Variants in CTNNA3 observed in about 807,000 individuals in gnomAD.
CTNNA3 encodes the protein catenin alpha 3.
In CTNNA3, 76 loss-of-function variants were observed where a neutral mutation model predicts 95.7. The observed-to-expected ratio is 0.79, with a 90% CI of 0.66 to 0.96. The LOEUF is 0.96. CTNNA3 is among the 40% of genes least tolerant of loss of function. CTNNA3 has a pLI of 0.00. For missense variants in CTNNA3, 1,191 were observed against 1,089.8 expected, an observed-to-expected ratio of 1.09 and a Z score of -1.31; for synonymous variants, 431 against 374.4, an observed-to-expected ratio of 1.15 and a Z score of -1.74.
At chr10:66,630,918 G>T (rs2132343839) in intron 9 of CTNNA3, among the ~76,000 whole-genome samples, 1 of 152,238 alleles carries the variant, frequency 6.6e-6, no homozygotes, top group East Asian at 1.9e-4. Flanking sequence ...TCAGGGAAAT[G>T]ATAGAAGTCA....
chr10:67,299,094 T>C (rs1411467739), intron 5 of CTNNA3, among the ~76,000 whole-genome samples: 2 of 152,140 alleles, frequency 1.3e-5, no homozygotes, highest in African/African-American at 4.8e-5. Flanking sequence ...AGATGGAGTT[T>C]CACCATGTTG....
At chr10:66,624,255 C>T (rs10822858) in intron 9 of CTNNA3, among the ~76,000 whole-genome samples, 50,562 of 151,832 alleles carry the variant, frequency 0.33, 8,840 homozygotes, top group Middle Eastern at 0.5. Context: ...GTTTTGTCAC[C>T]TATAAAATGA....
chr10:66,487,945 G>C (rs1238814641), intron 11 of CTNNA3, among the ~76,000 whole-genome samples: 5 of 152,138 alleles, frequency 3.3e-5, no homozygotes, highest in Admixed American at 3.3e-4. Context: ...AGCAAGGTAA[G>C]TGCCGTAAAC....
chr10:67,519,371 T>C (rs910930939), intron 5 of CTNNA3, among the ~76,000 whole-genome samples: 20 of 152,160 alleles, frequency 1.3e-4, no homozygotes, highest in African/African-American at 4.8e-4. Flanking sequence ...TTTCTGTTTG[T>C]TTTAAAAAAT....
At chr10:67,673,050 T>C (rs1840469033) in intron 1 of CTNNA3, among the ~76,000 whole-genome samples, 1 of 151,546 alleles carries the variant, frequency 6.6e-6, no homozygotes, top group South Asian at 2.1e-4. Flanking sequence ...CAGTGGTTTG[T>C]AGTTCTCCTT....
chr10:66,104,056 G>T (rs2081777847), intron 13 of CTNNA3, among the ~76,000 whole-genome samples: 1 of 152,096 alleles, frequency 6.6e-6, no homozygotes, highest in Non-Finnish European at 1.5e-5. Flanking sequence ...TCATCAAAAT[G>T]CCACCAGAAA....
chr10:67,056,928 C>T (rs1437505521), intron 7 of CTNNA3, among the ~76,000 whole-genome samples: 1 of 152,130 alleles, frequency 6.6e-6, no homozygotes, highest in East Asian at 1.9e-4. Flanking sequence ...TCTGCTCATG[C>T]TCCTGGGTGC....
chr10:66,236,895 G>A (rs1255197624), intron 13 of CTNNA3, among the ~76,000 whole-genome samples: 4 of 151,998 alleles, frequency 2.6e-5, no homozygotes, highest in Non-Finnish European at 4.4e-5. Flanking sequence ...AGAGAGGACG[G>A]TTTGAGCCCA....
intron 7 of CTNNA3, among the ~76,000 whole-genome samples, chr10:66,806,754 ATATGTGTGTGTG>A (rs769952023): frequency 1.6e-4 from 12 of 73,412 alleles, no homozygotes; most frequent in Admixed American, 7.3e-4. Context: ...AATGTGGCAT[ATATGTGTGTGTG>A]TGTGTGTGTG....
intron 7 of CTNNA3, among the ~76,000 whole-genome samples, chr10:66,921,821 T>A (rs1042784621): frequency 1.3e-5 from 2 of 152,248 alleles, no homozygotes; most frequent in African/African-American, 4.8e-5. Flanking sequence ...CTTTAGAATG[T>A]AATCTTCACA....
At chr10:67,011,181 A>G (rs189936280) in intron 7 of CTNNA3, among the ~76,000 whole-genome samples, 2 of 152,110 alleles carry the variant, frequency 1.3e-5, no homozygotes, top group African/African-American at 4.8e-5. Context: ...TACAAAAAAT[A>G]AATAAATAAA....
intron 7 of CTNNA3, among the ~76,000 whole-genome samples, chr10:67,172,215 A>G (rs921057555): frequency 6.6e-6 from 1 of 152,198 alleles, no homozygotes; most frequent in Non-Finnish European, 1.5e-5. Context: ...TTAACCACTT[A>G]CTACTTGGTG....
intron 9 of CTNNA3, among the ~76,000 whole-genome samples, chr10:66,719,161 G>GT (rs1187352820): frequency 6.6e-6 from 1 of 152,058 alleles, no homozygotes; most frequent in African/African-American, 2.4e-5. Flanking sequence ...TATTTTCAAT[G>GT]TTTATTTCAT....
chr10:67,563,725 AT>A (rs1472798557), intron 3 of CTNNA3, among the ~76,000 whole-genome samples: 26 of 152,066 alleles, frequency 1.7e-4, no homozygotes, highest in African/African-American at 6.0e-4. Flanking sequence ...ATGGGAGAAA[AT>A]TTTTTCAATC....
chr10:66,360,792 C>T (rs145002522), intron 12 of CTNNA3, among the ~76,000 whole-genome samples: 8,703 of 43,048 alleles, frequency 0.2, 1,569 homozygotes, highest in Non-Finnish European at 0.3. Flanking sequence ...TTTCTTCCTT[C>T]CTTCCTTCCT....
chr10:66,865,073 C>T (rs763880715), intron 7 of CTNNA3, among the ~76,000 whole-genome samples: 2 of 151,770 alleles, frequency 1.3e-5, no homozygotes, highest in African/African-American at 2.4e-5. Context: ...TGGGATGACA[C>T]CAAAAAAATC....
chr10:66,529,441 T>C (rs1564514184), intron 10 of CTNNA3, among the ~76,000 whole-genome samples: 2 of 83,500 alleles, frequency 2.4e-5, no homozygotes. Flanking sequence ...CAAACAGTGT[T>C]TTTTTTTTGT....
chr10:67,476,214 T>C (rs541185882), intron 5 of CTNNA3, among the ~76,000 whole-genome samples: 1 of 152,014 alleles, frequency 6.6e-6, no homozygotes, highest in South Asian at 2.1e-4. Context: ...CCACCCTTCC[T>C]ATGCAGAAAC....
intron 13 of CTNNA3, among the ~76,000 whole-genome samples, chr10:66,267,947 CT>C (rs1313772809): frequency 6.6e-6 from 1 of 152,072 alleles, no homozygotes; most frequent in Non-Finnish European, 1.5e-5. Context: ...AAATCTTTAC[CT>C]GTCATTAAAC....
Sources: allele counts gnomAD v4.1 joint callset (sites outside exome capture counted in the v4.1 genomes callset), GRCh38; gene constraint gnomAD v4.1.1; transcripts MANE v1.5; gene names NCBI Gene and HGNC (gene_info 2026-07-23, HGNC 2026-07-21).